The following NUP62 variants were observed in gnomAD, a reference collection of about 807,000 sequenced individuals.
The protein encoded by NUP62 is nuclear pore glycoprotein p62.
For missense variants in NUP62, 647 were observed against 689.4 expected, an observed-to-expected ratio of 0.94 and a Z score of 0.69; for synonymous variants, 305 against 303.4, an observed-to-expected ratio of 1.01 and a Z score of -0.05.
intron 2 of NUP62, among the ~76,000 whole-genome samples, chr19:49,922,396 T>G (rs1047095951): frequency 3.9e-5 from 6 of 152,084 alleles, no homozygotes; most frequent in African/African-American, 1.4e-4. Flanking sequence ...AAGGATTCTT[T>G]AGGCCTCCTC....
At chr19:49,913,876 G>A (rs950969239) in intron 2 of NUP62, among the ~76,000 whole-genome samples, 2 of 152,144 alleles carry the variant, frequency 1.3e-5, no homozygotes, top group Non-Finnish European at 2.9e-5. Context: ...AGCCACAGGC[G>A]GACTTTATGG....
intron 2 of NUP62, among the ~76,000 whole-genome samples, chr19:49,914,279 C>A (rs982068295): frequency 6.6e-6 from 1 of 152,186 alleles, no homozygotes; most frequent in African/African-American, 2.4e-5. Context: ...ACCAAAGAAG[C>A]TGATGGTGCT....
At chr19:49,926,438 G>A (rs957442904) in intron 2 of NUP62, among the ~76,000 whole-genome samples, 4 of 152,174 alleles carry the variant, frequency 2.6e-5, no homozygotes, top group Non-Finnish European at 4.4e-5. Flanking sequence ...GCTGAGGCAG[G>A]AGAATTGCTT....
chr19:49,913,686 A>G (rs1220203682), intron 2 of NUP62, among the ~76,000 whole-genome samples: 2 of 152,188 alleles, frequency 1.3e-5, no homozygotes, highest in East Asian at 3.8e-4. Flanking sequence ...TTCAGTCTGT[A>G]TCATTTCTCC....
Position 49,908,543 on chromosome 19 carries a change from T to G in NUP62, c.1265A>C (p.Tyr422Ser). 6.2e-7 allele frequency: 1 copy of G among 1,614,136 alleles called. No individual in the cohort carries two copies. Among genetic ancestry groups the G allele is most frequent in the East Asian group, 2.2e-5 (1 of 44,886 alleles). ...ELVKEQSGTI[Y>S]LQHADEEREK... ...ACGCTCCTCATCCGCGTGCTGCAGG[T>G]AGATGGTCCCGCTCTGCTCCTTGAC... The change falls in exon 3 of 3, where the codon TAC (tyrosine) becomes TCC (serine). Residue 422 changes from tyrosine (Y) to serine (S), a missense_variant. By Grantham distance (144) the Tyr-to-Ser change is moderately radical. Coordinates refer to ENST00000352066, the MANE Select transcript of NUP62 (RefSeq NM_016553.5).
chr19:49,925,151 C>G (rs928220114), intron 2 of NUP62, among the ~76,000 whole-genome samples: 1 of 151,962 alleles, frequency 6.6e-6, no homozygotes, highest in African/African-American at 2.4e-5. Flanking sequence ...ATCCTAGCTA[C>G]TCGGGAGGCT....
At chr19:49,917,231 C>G (rs187146347) in intron 2 of NUP62, among the ~76,000 whole-genome samples, 1 of 152,214 alleles carries the variant, frequency 6.6e-6, no homozygotes, top group Non-Finnish European at 1.5e-5. Flanking sequence ...CCTGCTGAGG[C>G]TCAGACGCCG....
intron 2 of NUP62, among the ~76,000 whole-genome samples, chr19:49,924,425 G>A (rs1170386247): frequency 2.0e-5 from 3 of 152,156 alleles, no homozygotes; most frequent in African/African-American, 7.2e-5. Flanking sequence ...GTTGCCAGGT[G>A]TGCTGGGGTC....
At chr19:49,918,754 T>C (rs1056794250) in intron 2 of NUP62, 4 of 152,140 alleles carry the variant, frequency 2.6e-5, no homozygotes, top group African/African-American at 9.7e-5. Flanking sequence ...GATGTTTCAA[T>C]GCCTAAATGT....
chr19:49,918,855 C>T (rs978081184), intron 2 of NUP62, among the ~76,000 whole-genome samples: 8 of 121,076 alleles, frequency 6.6e-5, no homozygotes, highest in Non-Finnish European at 6.4e-5. Flanking sequence ...CTAGGCCGGG[C>T]GCAGTGGCTC....
chr19:49,925,652 G>A (rs917364215), intron 2 of NUP62, among the ~76,000 whole-genome samples: 2 of 152,112 alleles, frequency 1.3e-5, no homozygotes, highest in East Asian at 1.9e-4. Flanking sequence ...TAAATATAAC[G>A]TGGCATCCTG....
At position 49,907,966 on chromosome 19, in the gene NUP62, T is replaced by C. The variant is rs141228323; in HGVS notation, c.*273A>G. The C allele has an allele frequency of 1.4e-3, 841 of 583,818 alleles. 7 individuals are homozygous for C. The African/African-American group carries it at 0.014, about 10-fold the overall frequency. The allele number at this position is 583,818 out of a possible 1,614,324, so 36.2% of individuals were successfully genotyped here. A position where few individuals can be genotyped will look rare whatever the true frequency, so the allele number is the denominator to read the frequency against. On this transcript the variant is annotated 3_prime_UTR_variant, in exon 3 of 3. Coordinates refer to ENST00000352066, the MANE Select transcript of NUP62 (RefSeq NM_016553.5). ...TCTCCATCACCAGGCTGAGCCAGGA[T>C]GAGGTGGGTGGTCGCAGTAGGTGAA...
At chr19:49,919,585 T>C (rs2122711932) in intron 2 of NUP62, among the ~76,000 whole-genome samples, 1 of 152,276 alleles carries the variant, frequency 6.6e-6, no homozygotes, top group East Asian at 1.9e-4. Context: ...TTTTCAACCT[T>C]CTCTCCTGCT....
At chr19:49,925,824 C>A (rs1174783394) in intron 2 of NUP62, among the ~76,000 whole-genome samples, 1 of 152,150 alleles carries the variant, frequency 6.6e-6, no homozygotes, top group Non-Finnish European at 1.5e-5. Flanking sequence ...ATGGAAAAAA[C>A]CAAGTGAGGG....
intron 2 of NUP62, among the ~76,000 whole-genome samples, chr19:49,923,808 TG>T (rs2075820223): frequency 6.6e-6 from 1 of 152,226 alleles, no homozygotes; most frequent in African/African-American, 2.4e-5. Flanking sequence ...GTGGTGGAGT[TG>T]GGGTGTGAAC....
chr19:49,920,420 T>C lies in NUP62; in HGVS notation c.-78+7274A>G, dbSNP rs191674929. Among the ~76,000 whole-genome samples, 405 of 152,302 alleles carry C rather than the reference T, an allele frequency of 2.7e-3. 1 individual carries two copies. Among genetic ancestry groups the C allele is most frequent in the African/African-American group, 9.4e-3 (390 of 41,560 alleles). ...TAGCGTGATGAAAATGTTCTAAAAT[T>C]GACTGTGGTGATGGCTGCACAACTC... On this transcript the variant is annotated intron_variant, in intron 2 of 2. Transcript: ENST00000352066.
rs1347362507 is a variant in NUP62 at position 49,922,648 on chromosome 19, G to T, written c.-78+5046C>A. 2.0e-5 allele frequency among the ~76,000 whole-genome samples: 3 copies of T among 151,726 alleles called. No individual in the cohort carries two copies. The East Asian group carries it at 5.8e-4, about 29-fold the overall frequency. On this transcript the variant is annotated intron_variant, in intron 2 of 2. Coordinates refer to ENST00000352066, the MANE Select transcript of NUP62 (RefSeq NM_016553.5). Reference sequence around the variant, plus strand: ...AGCCTGAGTCCTGTCCACACTGGTGGTTTGCTGGGGTTTTCCAGGTTTTTC... The same window carrying T: ...AGCCTGAGTCCTGTCCACACTGGTGTTTTGCTGGGGTTTTCCAGGTTTTTC...
At chr19:49,916,604 A>G (rs1392120718) in intron 2 of NUP62, among the ~76,000 whole-genome samples, 1 of 151,894 alleles carries the variant, frequency 6.6e-6, no homozygotes, top group African/African-American at 2.4e-5. Context: ...CACTAAAAAT[A>G]CAAAAAAAAA....
At position 49,921,686 on chromosome 19, in the gene NUP62, G is replaced by T. The variant is rs2075768499; in HGVS notation, c.-78+6008C>A. Among the ~76,000 whole-genome samples the T allele has an allele frequency of 6.6e-6, 1 of 152,210 alleles. No homozygotes were observed. Among genetic ancestry groups the T allele is most frequent in the Admixed American group, 6.5e-5 (1 of 15,284 alleles). The stretch of plus-strand genomic sequence containing the variant: ...CATGGGGGGTACCCCTCTGCCCATT[G>T]AGGGGGCACCTAGGGAGCCTAGGGG... On this transcript the variant is annotated intron_variant, in intron 2 of 2. Transcript: ENST00000352066. This position sits in a 1 kb window ranked among gnomAD's most constrained non-coding sequence, Gnocchi z 5.4.
Sources: allele counts gnomAD v4.1 joint callset (sites outside exome capture counted in the v4.1 genomes callset), GRCh38; gene constraint gnomAD v4.1.1; non-coding constraint Gnocchi (gnomAD v3.1); transcripts MANE v1.5; gene names NCBI Gene and HGNC (gene_info 2026-07-23, HGNC 2026-07-21).